Variants in SPON1 observed in about 807,000 individuals in gnomAD.
SPON1 encodes the protein spondin-1.
In SPON1, 52 loss-of-function variants were observed where a neutral mutation model predicts 111.7. The observed-to-expected ratio is 0.47, with a 90% CI of 0.37 to 0.59. SPON1 has a LOEUF of 0.59. Among genes scored for constraint, SPON1 ranks in the 20% least tolerant of loss-of-function variants. The probability of loss-of-function intolerance (pLI) is 0.00; values close to 1 mark genes in which losing one functional copy is unlikely to be tolerated. For synonymous variants in SPON1, 410 were observed against 395.8 expected, an observed-to-expected ratio of 1.04 and a Z score of -0.43; for missense variants, 957 against 1,068.5, an observed-to-expected ratio of 0.90 and a Z score of 1.46.
At chr11:14,166,083 C>G (rs1848026296) in intron 6 of SPON1, among the ~76,000 whole-genome samples, 1 of 147,818 alleles carries the variant, frequency 6.8e-6, no homozygotes, top group Non-Finnish European at 1.5e-5. Flanking sequence ...TACAGGGACT[C>G]TGTGTACACA....
chr11:14,135,078 G>T lies in SPON1; in HGVS notation c.677-342G>T, dbSNP rs1554927915. 5.6e-6 allele frequency: 1 copy of T among 177,640 alleles called. No homozygotes were observed. Among genetic ancestry groups the T allele is most frequent in the Non-Finnish European group, 1.2e-5 (1 of 83,982 alleles). The allele number at this position is 177,640 out of a possible 1,614,324, so 11.0% of individuals were successfully genotyped here. A position where few individuals can be genotyped will look rare whatever the true frequency, so the allele number is the denominator to read the frequency against. ...CTGGTTAGCACTTGGATGGGAGTCTGCCAGAACAGTCCTTTCTACTCTATT... is the reference window on the plus strand; with the variant it reads ...CTGGTTAGCACTTGGATGGGAGTCTTCCAGAACAGTCCTTTCTACTCTATT... On this transcript the variant is annotated intron_variant, in intron 5 of 15. Coordinates refer to ENST00000576479, the MANE Select transcript of SPON1 (RefSeq NM_006108.4). The surrounding 1 kb of genome is among the most constrained non-coding windows in gnomAD (Gnocchi z 4.4).
intron 6 of SPON1, among the ~76,000 whole-genome samples, chr11:14,235,525 T>G (rs868932994): frequency 6.6e-6 from 1 of 151,520 alleles, no homozygotes. Flanking sequence ...CAACTAATTT[T>G]AAAACTAACT....
chr11:14,230,220 C>T (rs553439385), intron 6 of SPON1, among the ~76,000 whole-genome samples: 1 of 152,286 alleles, frequency 6.6e-6, no homozygotes, highest in East Asian at 1.9e-4. Flanking sequence ...CCTTAAAGCA[C>T]ACTTACTTCT....
intron 1 of SPON1, among the ~76,000 whole-genome samples, chr11:13,967,751 C>G (rs1848029831): frequency 6.6e-6 from 1 of 152,042 alleles, no homozygotes; most frequent in African/African-American, 2.4e-5. Context: ...TTAAGCCACC[C>G]CTCCTACCTC....
At position 14,267,595 on chromosome 11, in the gene SPON1, G is replaced by A. The variant is rs1849286892; in HGVS notation, c.*1908G>A. ...TGTCTCATGTTTGTATTTGGTCCCA[G>A]TTGGGTACATTTTAAAATCCTGATT... is the stretch of plus-strand genomic sequence containing the variant. On this transcript the variant is annotated 3_prime_UTR_variant, in exon 16 of 16. Coordinates refer to ENST00000576479, the MANE Select transcript of SPON1 (RefSeq NM_006108.4). The A allele has an allele frequency of 1.3e-5, 2 of 152,162 alleles. No homozygotes were observed. The highest frequency in any genetic ancestry group is 4.8e-5 in the African/African-American group (2 of 41,432). The allele number at this position is 152,162 out of a possible 1,614,324, so 9.4% of individuals were successfully genotyped here. A position where few individuals can be genotyped will look rare whatever the true frequency, so the allele number is the denominator to read the frequency against.
chr11:14,167,802 C>A (rs1273747085), intron 6 of SPON1, among the ~76,000 whole-genome samples: 4 of 152,120 alleles, frequency 2.6e-5, no homozygotes, highest in African/African-American at 9.7e-5. Flanking sequence ...AATGTGTTAA[C>A]CTGTGGAAAA....
intron 6 of SPON1, among the ~76,000 whole-genome samples, chr11:14,187,218 G>A (rs187983621): frequency 3.3e-4 from 51 of 152,268 alleles, no homozygotes; most frequent in Middle Eastern, 3.4e-3. Context: ...CTCAGGGAAG[G>A]CACTAAGCCA....
At chr11:13,991,238 A>G (rs1848227712) in intron 2 of SPON1, among the ~76,000 whole-genome samples, 1 of 152,164 alleles carries the variant, frequency 6.6e-6, no homozygotes, top group Non-Finnish European at 1.5e-5. Context: ...GTCTTTTCAC[A>G]TAGTCCCATA....
intron 7 of SPON1, among the ~76,000 whole-genome samples, chr11:14,248,850 A>G (rs559296418): frequency 1.7e-4 from 26 of 152,296 alleles, no homozygotes; most frequent in African/African-American, 6.0e-4. Context: ...ACAGCCATGA[A>G]TGAGCAAATT....
intron 6 of SPON1, among the ~76,000 whole-genome samples, chr11:14,237,082 G>A (rs113640836): frequency 3.3e-5 from 5 of 152,172 alleles, no homozygotes; most frequent in African/African-American, 1.2e-4. Context: ...CTACTGTTGG[G>A]CACAATTGGT....
chr11:13,967,864 A>G (rs936130053), intron 1 of SPON1, among the ~76,000 whole-genome samples: 2 of 152,246 alleles, frequency 1.3e-5, no homozygotes, highest in African/African-American at 4.8e-5. Context: ...AGAAAATGCA[A>G]ACATAGCTAA....
chr11:13,997,075 T>C (rs1848278878), intron 2 of SPON1, among the ~76,000 whole-genome samples: 1 of 152,180 alleles, frequency 6.6e-6, no homozygotes, highest in Admixed American at 6.5e-5. Context: ...ATAAATGAAA[T>C]TATAGGGTCA....
intron 6 of SPON1, among the ~76,000 whole-genome samples, chr11:14,215,220 C>T (rs184048364): frequency 5.4e-4 from 82 of 152,230 alleles, no homozygotes; most frequent in African/African-American, 1.8e-3. Context: ...ACCCAGCCCA[C>T]TCTGCCATTT....
intron 6 of SPON1, among the ~76,000 whole-genome samples, chr11:14,142,983 C>A (rs528324185): frequency 1.3e-5 from 2 of 152,248 alleles, no homozygotes; most frequent in South Asian, 4.1e-4. Flanking sequence ...AATCTCTCCC[C>A]GACTATTTCT....
intron 6 of SPON1, among the ~76,000 whole-genome samples, chr11:14,206,031 G>A (rs781940269): frequency 5.9e-5 from 9 of 151,920 alleles, no homozygotes; most frequent in Non-Finnish European, 7.4e-5. Flanking sequence ...CTCTAAAACC[G>A]TTTTCATTTT....
intron 6 of SPON1, among the ~76,000 whole-genome samples, chr11:14,140,556 A>G (rs932539041): frequency 1.1e-4 from 17 of 152,024 alleles, no homozygotes; most frequent in African/African-American, 4.1e-4. Flanking sequence ...CATCATGCCC[A>G]GCTAATTTTT....
intron 6 of SPON1, among the ~76,000 whole-genome samples, chr11:14,167,940 G>A (rs1414720515): frequency 1.3e-5 from 2 of 152,068 alleles, no homozygotes; most frequent in Non-Finnish European, 2.9e-5. Context: ...TTTAGGTTAA[G>A]ACAATCTATA....
chr11:14,053,976 C>T (rs1291657119), intron 3 of SPON1, among the ~76,000 whole-genome samples: 1 of 152,208 alleles, frequency 6.6e-6, no homozygotes, highest in African/African-American at 2.4e-5. Context: ...TCCTGCTCTA[C>T]CACTGTTCAT....
chr11:13,963,264 G>A, intron 1 of SPON1, 122 bp downstream of exon 1: 1 of 686,734 alleles, frequency 1.5e-6, no homozygotes. Context: ...AGCCCGGCAA[G>A]GGCCCTTCTG....
Sources: gnomAD v4.1 joint callset for allele counts (sites outside exome capture counted in the v4.1 genomes callset) on GRCh38, gnomAD v4.1.1 for gene constraint, Gnocchi (gnomAD v3.1) non-coding constraint, MANE v1.5 for transcripts, NCBI Gene and HGNC (gene_info 2026-07-23, HGNC 2026-07-21) for gene names.